METTL25: variants seen among roughly 807,000 people sequenced by gnomAD.
The protein encoded by METTL25 is probable methyltransferase-like protein 25.
In METTL25, 64 loss-of-function variants were observed where a neutral mutation model predicts 71.6. The observed-to-expected ratio is 0.89, with a 90% CI of 0.73 to 1.10. The LOEUF (loss-of-function observed/expected upper bound fraction) is 1.10, where lower values mean the gene tolerates loss of function less well. Ranked by LOEUF, METTL25 falls within the 50% of genes least tolerant of loss-of-function variation. The probability of loss-of-function intolerance (pLI) is 0.00; values close to 1 mark genes in which losing one functional copy is unlikely to be tolerated. For synonymous variants in METTL25, 287 were observed against 250.3 expected (o/e 1.15, Z -1.38); for missense variants, 807 against 707.0 (o/e 1.14, Z -1.60).
chr12:82,453,404 T>G (rs1408206145), intron 8 of METTL25, among the ~76,000 whole-genome samples: 3 of 152,164 alleles, frequency 2.0e-5, no homozygotes, highest in Non-Finnish European at 4.4e-5. Flanking sequence ...CCTATTCAAG[T>G]AGTATGCTGG....
chr12:82,471,642 A>G (rs1192764780), intron 9 of METTL25, among the ~76,000 whole-genome samples: 1 of 152,224 alleles, frequency 6.6e-6, no homozygotes, highest in East Asian at 1.9e-4. Context: ...TATTAGATGT[A>G]ATCATTTCCA....
At chr12:82,410,559 C>T (rs1887479836) in intron 5 of METTL25, among the ~76,000 whole-genome samples, 1 of 152,076 alleles carries the variant, frequency 6.6e-6, no homozygotes, top group Non-Finnish European at 1.5e-5. Flanking sequence ...CCTCCTGCTA[C>T]AGTTCAGCTA....
chr12:82,391,477 C>T (rs1885575260), intron 3 of METTL25, among the ~76,000 whole-genome samples: 1 of 151,708 alleles, frequency 6.6e-6, no homozygotes, highest in African/African-American at 2.4e-5. Flanking sequence ...TGTCCATAAT[C>T]CTAACTTTAT....
chr12:82,411,931 T>G (rs1887587100), intron 5 of METTL25, among the ~76,000 whole-genome samples: 2 of 152,152 alleles, frequency 1.3e-5, no homozygotes, highest in African/African-American at 2.4e-5. Flanking sequence ...AACTTTACAA[T>G]TTAATAATTA....
intron 5 of METTL25, among the ~76,000 whole-genome samples, chr12:82,404,155 A>T (rs1415063253): frequency 1.0e-3 from 159 of 152,114 alleles, no homozygotes; most frequent in Non-Finnish European, 2.6e-4. Flanking sequence ...ATTTTATGTC[A>T]GTGTTTTGAC....
chr12:82,437,450 C>A (rs1390028001), intron 7 of METTL25, among the ~76,000 whole-genome samples: 1 of 151,534 alleles, frequency 6.6e-6, no homozygotes, highest in African/African-American at 2.4e-5. Context: ...AGGGCAGTGC[C>A]ATCAGGGGAA....
intron 1 of METTL25, among the ~76,000 whole-genome samples, chr12:82,371,965 G>C (rs1883283607): frequency 6.6e-6 from 1 of 152,128 alleles, no homozygotes; most frequent in African/African-American, 2.4e-5. Flanking sequence ...ATCCATACTG[G>C]GGACGGCTTG....
At chr12:82,477,673 T>C (rs1174356300) in intron 11 of METTL25, among the ~76,000 whole-genome samples, 2 of 151,812 alleles carry the variant, frequency 1.3e-5, no homozygotes, top group East Asian at 1.9e-4. Flanking sequence ...ATAAAAGATA[T>C]TGTATAAGCG....
In METTL25 at chr12:82,465,337, C is replaced by T. The variant is rs1367169714; in HGVS notation, c.1572+8517C>T. On this transcript the variant is annotated intron_variant, in intron 9 of 11. Transcript: ENST00000248306. ...AAGGGATGTTGAATTTTATCAAATG[C>T]TTTTTCTACATCTATTGAGATAATA... 2.0e-5 allele frequency among the ~76,000 whole-genome samples: 3 copies of T among 151,906 alleles called. No individual in the cohort carries two copies. In the East Asian group the frequency reaches 5.8e-4, roughly 29 times the overall value.
intron 8 of METTL25, among the ~76,000 whole-genome samples, chr12:82,453,600 C>T (rs1891292825): frequency 6.6e-6 from 1 of 152,056 alleles, no homozygotes; most frequent in Non-Finnish European, 1.5e-5. Flanking sequence ...ACATAGTAAA[C>T]AAAATTAATA....
intron 8 of METTL25, among the ~76,000 whole-genome samples, chr12:82,446,581 T>A (rs1384643710): frequency 6.6e-6 from 1 of 151,544 alleles, no homozygotes; most frequent in African/African-American, 2.4e-5. Context: ...ACGGGTCAAT[T>A]AAGAAGTTAA....
chr12:82,471,934 CTG>C (rs777183617), intron 9 of METTL25, among the ~76,000 whole-genome samples: 8 of 151,988 alleles, frequency 5.3e-5, no homozygotes, highest in Non-Finnish European at 1.2e-4. Flanking sequence ...TTGTCAATAA[CTG>C]AGAGAGAGAA....
At chr12:82,460,747 T>G (rs1004938498) in intron 9 of METTL25, among the ~76,000 whole-genome samples, 1 of 152,124 alleles carries the variant, frequency 6.6e-6, no homozygotes, top group Non-Finnish European at 1.5e-5. Context: ...TGGATGGGAT[T>G]CTAGACTGGA....
chr12:82,458,128 A>C (rs1346372226), intron 9 of METTL25, among the ~76,000 whole-genome samples: 1 of 152,050 alleles, frequency 6.6e-6, no homozygotes, highest in African/African-American at 2.4e-5. Flanking sequence ...AACCACAGCA[A>C]ATGTTTATTA....
intron 9 of METTL25, chr12:82,468,512 GT>G: frequency 6.5e-6 from 1 of 154,304 alleles, no homozygotes. Context: ...AGATACTGTA[GT>G]TTTTTTAGGT....
chr12:82,379,346 T>G (rs1312155485), intron 1 of METTL25, among the ~76,000 whole-genome samples: 2 of 152,346 alleles, frequency 1.3e-5, no homozygotes, highest in East Asian at 3.9e-4. Context: ...ATACTTTACA[T>G]CACTTTTTAA....
At chr12:82,370,373 G>A (rs1480665855) in intron 1 of METTL25, among the ~76,000 whole-genome samples, 1 of 152,200 alleles carries the variant, frequency 6.6e-6, no homozygotes, top group African/African-American at 2.4e-5. Flanking sequence ...GACCTAGAAA[G>A]GGGAGAAGCC....
intron 8 of METTL25, among the ~76,000 whole-genome samples, chr12:82,447,378 A>G (rs1890832077): frequency 6.6e-6 from 1 of 152,186 alleles, no homozygotes; most frequent in Non-Finnish European, 1.5e-5. Context: ...ATTGTATTAC[A>G]TTCATGTATA....
chr12:82,471,872 A>G (rs1433313803), intron 9 of METTL25, among the ~76,000 whole-genome samples: 1 of 152,150 alleles, frequency 6.6e-6, no homozygotes, highest in Admixed American at 6.5e-5. Flanking sequence ...TTAATAGTTT[A>G]TTTTTGAAAA....
Sources: allele counts gnomAD v4.1 joint callset (sites outside exome capture counted in the v4.1 genomes callset), GRCh38; gene constraint gnomAD v4.1.1; transcripts MANE v1.5; gene names NCBI Gene and HGNC (gene_info 2026-07-23, HGNC 2026-07-21).